GHR: variants seen among roughly 807,000 people sequenced by gnomAD.
The protein encoded by GHR is GH receptor.
In GHR, 35 loss-of-function variants were observed where a neutral mutation model predicts 67.1. That is an observed-to-expected ratio of 0.52 (90% CI 0.40 to 0.69). The LOEUF is 0.69. Among genes scored for constraint, GHR ranks in the 30% least tolerant of loss-of-function variants. The pLI is 0.00. For missense variants in GHR, 792 were observed against 764.6 expected (o/e 1.04, Z -0.42); for synonymous variants, 272 against 269.1 (o/e 1.01, Z -0.10).
At chr5:42,433,363 T>C (rs1743179958) in intron 1 of GHR, among the ~76,000 whole-genome samples, 1 of 152,208 alleles carries the variant, frequency 6.6e-6, no homozygotes, top group Non-Finnish European at 1.5e-5. Flanking sequence ...TAAGTTTTTT[T>C]TTAAATTAGC....
chr5:42,628,145 G>T (rs1008952720), intron 2 of GHR, among the ~76,000 whole-genome samples: 1 of 152,154 alleles, frequency 6.6e-6, no homozygotes, highest in African/African-American at 2.4e-5. Flanking sequence ...CTGCTGGTCA[G>T]CTGGCTTGCT....
At chr5:42,661,893 C>T (rs1028161269) in intron 3 of GHR, among the ~76,000 whole-genome samples, 2 of 151,964 alleles carry the variant, frequency 1.3e-5, no homozygotes, top group Admixed American at 6.6e-5. Flanking sequence ...AGGCTCAAAA[C>T]AAAAGGATGG....
At chr5:42,516,988 A>T (rs1747266341) in intron 1 of GHR, among the ~76,000 whole-genome samples, 1 of 150,028 alleles carries the variant, frequency 6.7e-6, no homozygotes, top group South Asian at 2.1e-4. Context: ...GGGAGAAAAA[A>T]CTTAAATTTA....
intron 1 of GHR, among the ~76,000 whole-genome samples, chr5:42,462,646 G>A (rs1317715372): frequency 6.6e-6 from 1 of 152,020 alleles, no homozygotes; most frequent in African/African-American, 2.4e-5. Context: ...GGTTTATTAT[G>A]GTTAAGAGTG....
At chr5:42,492,183 T>C (rs1227657203) in intron 1 of GHR, among the ~76,000 whole-genome samples, 1 of 152,200 alleles carries the variant, frequency 6.6e-6, no homozygotes, top group Non-Finnish European at 1.5e-5. Context: ...GTTTTGCTTT[T>C]CAAACTACTA....
At chr5:42,675,883 T>C (rs1030567444) in intron 3 of GHR, among the ~76,000 whole-genome samples, 1 of 152,246 alleles carries the variant, frequency 6.6e-6, no homozygotes, top group Non-Finnish European at 1.5e-5. Flanking sequence ...CATCTTATGG[T>C]AACTGGAAAT....
intron 2 of GHR, among the ~76,000 whole-genome samples, chr5:42,617,696 A>C (rs1028079116): frequency 5.9e-5 from 9 of 152,144 alleles, no homozygotes; most frequent in Non-Finnish European, 8.8e-5. Context: ...GCCAAAAAGC[A>C]TATGGGGCAG....
At chr5:42,628,079 A>T (rs993292560) in intron 2 of GHR, among the ~76,000 whole-genome samples, 1 of 152,142 alleles carries the variant, frequency 6.6e-6, no homozygotes, top group African/African-American at 2.4e-5. Flanking sequence ...AGCTCCTCTC[A>T]GCGTCCAGAT....
chr5:42,658,283 T>C (rs1428799175), intron 3 of GHR, among the ~76,000 whole-genome samples: 1 of 152,146 alleles, frequency 6.6e-6, no homozygotes, highest in East Asian at 1.9e-4. Context: ...GGAAGAAAAC[T>C]TTGAAGTGGG....
chr5:42,606,214 A>C (rs1752623929), intron 2 of GHR, among the ~76,000 whole-genome samples: 1 of 152,202 alleles, frequency 6.6e-6, no homozygotes. Context: ...GAGAAGGCAC[A>C]GGAAGTGCCC....
At chr5:42,661,700 C>A (rs901126746) in intron 3 of GHR, among the ~76,000 whole-genome samples, 20 of 152,120 alleles carry the variant, frequency 1.3e-4, no homozygotes, top group African/African-American at 4.3e-4. Context: ...CATCAACTAA[C>A]GAGTAAAATA....
intron 1 of GHR, among the ~76,000 whole-genome samples, chr5:42,563,227 G>C (rs1289950737): frequency 2.0e-5 from 3 of 152,200 alleles, no homozygotes; most frequent in Non-Finnish European, 4.4e-5. Flanking sequence ...GGAATAGCAG[G>C]TGCTACTGGA....
chr5:42,477,324 T>C (rs1298303003), intron 1 of GHR, among the ~76,000 whole-genome samples: 2 of 152,142 alleles, frequency 1.3e-5, no homozygotes, highest in Non-Finnish European at 2.9e-5. Context: ...CTATTGCGAA[T>C]AGTGCCACAA....
At chr5:42,509,611 C>T (rs1428511007) in intron 1 of GHR, among the ~76,000 whole-genome samples, 1 of 152,074 alleles carries the variant, frequency 6.6e-6, no homozygotes, top group East Asian at 1.9e-4. Context: ...TATTCAAGGA[C>T]ATTAGCTCAG....
intron 2 of GHR, among the ~76,000 whole-genome samples, chr5:42,584,595 G>A (rs1561143892): frequency 6.6e-6 from 1 of 152,164 alleles, no homozygotes; most frequent in Non-Finnish European, 1.5e-5. Flanking sequence ...CCCTTTTTGT[G>A]TAGTGGTTTT....
intron 3 of GHR, among the ~76,000 whole-genome samples, chr5:42,662,007 A>G (rs984168459): frequency 2.6e-5 from 4 of 152,226 alleles, no homozygotes; most frequent in African/African-American, 9.6e-5. Context: ...AGAGACAAAG[A>G]AGGCCATTAC....
At chr5:42,570,363 G>C (rs894546074) in intron 2 of GHR, among the ~76,000 whole-genome samples, 3 of 152,168 alleles carry the variant, frequency 2.0e-5, no homozygotes, top group Non-Finnish European at 4.4e-5. Context: ...TTGTCCTCCT[G>C]ATATTGCAGA....
rs1561259983 is a variant in GHR, at chr5:42,720,933, G to A, written c.*1509G>A. The A allele has an allele frequency of 6.6e-6, 1 of 152,036 alleles. No homozygotes were observed. The highest frequency in any genetic ancestry group is 2.4e-5 in the African/African-American group (1 of 41,370). 9.4% of individuals were successfully genotyped at this position (152,036 alleles called of 1,614,324 possible). A position where few individuals can be genotyped will look rare whatever the true frequency, so the allele number is the denominator to read the frequency against. ...AACATCATTCATTTTTGTTGTTGTT[G>A]TTGTTGTTGAGACAGAGTCTCGCTC... On this transcript the variant is annotated 3_prime_UTR_variant, in exon 10 of 10. Transcript: ENST00000230882.
chr5:42,506,639 T>G (rs950182244), intron 1 of GHR, among the ~76,000 whole-genome samples: 5 of 152,236 alleles, frequency 3.3e-5, no homozygotes, highest in Non-Finnish European at 5.9e-5. Context: ...TTATAGGCTA[T>G]GTACCCAGTA....
Sources: gnomAD v4.1 joint callset for allele counts (sites outside exome capture counted in the v4.1 genomes callset) on GRCh38, gnomAD v4.1.1 for gene constraint, MANE v1.5 for transcripts, NCBI Gene and HGNC (gene_info 2026-07-23, HGNC 2026-07-21) for gene names.